PRDM11: variants seen among roughly 807,000 people sequenced by gnomAD.
PRDM11 encodes the protein PR domain-containing protein 11.
A neutral mutation model predicts 97.8 loss-of-function variants in PRDM11; 20 were observed. The ratio of observed to expected loss-of-function variants is 0.20; its 90% CI spans 0.14 to 0.30. The LOEUF is 0.30. Among genes scored for constraint, PRDM11 ranks in the 10% least tolerant of loss-of-function variants. PRDM11 has a pLI of 1.00. For synonymous variants in PRDM11, 599 were observed against 637.7 expected, an observed-to-expected ratio of 0.94 and a Z score of 0.91; for missense variants, 1,139 against 1,555.2, an observed-to-expected ratio of 0.73 and a Z score of 4.50.
At position 45,227,059 on chromosome 11, in the gene PRDM11, C is replaced by T; in HGVS notation, c.2434C>T (p.Leu812Phe). 2 of 1,533,954 alleles carry T rather than the reference C, an allele frequency of 1.3e-6. No individual in the cohort carries two copies. The highest frequency in any genetic ancestry group is 1.7e-6 in the Non-Finnish European group (2 of 1,146,730). Reference sequence around the variant, plus strand: ...CGAGCTGCGGTCCACGGCGGCCACCCTTTGTGAGGAGACAGAGTTCCTGGG... The same window carrying T: ...CGAGCTGCGGTCCACGGCGGCCACCTTTTGTGAGGAGACAGAGTTCCTGGG... ...MCELRSTAAT[L>F]CEETEFLGDI... The change falls in exon 8 of 8, where the codon CTT (leucine) becomes TTT (phenylalanine). Residue 812 changes from leucine to phenylalanine, a missense_variant. This residue lies in a region of PRDM11 where 710 missense variants were observed against 1,044.9 expected (regional missense o/e 0.68). Coordinates refer to ENST00000683152, the MANE Select transcript of PRDM11 (RefSeq NM_001384648.1). This position sits in a 1 kb window ranked among gnomAD's most constrained non-coding sequence, Gnocchi z 8.0.
chr11:45,114,832 CTTAGAA>C (rs1218698609), intron 1 of PRDM11, among the ~76,000 whole-genome samples: 3 of 151,676 alleles, frequency 2.0e-5, no homozygotes, highest in Admixed American at 6.6e-5. Flanking sequence ...GAAAAAAAAA[CTTAGAA>C]TTATATATCC....
intron 1 of PRDM11, among the ~76,000 whole-genome samples, chr11:45,176,185 C>T (rs1307901512): frequency 6.6e-6 from 1 of 151,986 alleles, no homozygotes; most frequent in Non-Finnish European, 1.5e-5. Flanking sequence ...ACCAGTGTGG[C>T]CAACATGGTG....
chr11:45,193,546 C>T (rs1852989121), intron 4 of PRDM11, among the ~76,000 whole-genome samples: 1 of 152,198 alleles, frequency 6.6e-6, no homozygotes, highest in African/African-American at 2.4e-5. Flanking sequence ...ATCAGTGTGC[C>T]ATGTTCCAAT....
intron 1 of PRDM11, among the ~76,000 whole-genome samples, chr11:45,112,042 C>T (rs1227555660): frequency 1.3e-5 from 2 of 152,024 alleles, no homozygotes; most frequent in Admixed American, 1.3e-4. Flanking sequence ...TTTAGTGCAC[C>T]GGTCACCCAA....
intron 1 of PRDM11, among the ~76,000 whole-genome samples, chr11:45,124,151 G>A (rs1242972519): frequency 1.3e-5 from 2 of 149,870 alleles, no homozygotes; most frequent in East Asian, 3.9e-4. Flanking sequence ...CTGTTTGTCT[G>A]TTATTGGTGT....
intron 5 of PRDM11, among the ~76,000 whole-genome samples, chr11:45,212,018 C>T (rs551184138): frequency 1.3e-5 from 2 of 152,330 alleles, no homozygotes; most frequent in Non-Finnish European, 2.9e-5. Context: ...GCTCCTTCAG[C>T]GTTACAGAGC....
intron 1 of PRDM11, among the ~76,000 whole-genome samples, chr11:45,169,497 T>C (rs1004385526): frequency 1.3e-5 from 2 of 152,258 alleles, no homozygotes; most frequent in African/African-American, 4.8e-5. Flanking sequence ...CCAAGTGTAT[T>C]ACACATGTTA....
chr11:45,218,423 G>A (rs1280149318), intron 5 of PRDM11, among the ~76,000 whole-genome samples: 1 of 152,162 alleles, frequency 6.6e-6, no homozygotes, highest in Non-Finnish European at 1.5e-5. Flanking sequence ...TAGTGATGCT[G>A]AATACTTTTC....
At chr11:45,206,474 G>A (rs1180867629) in intron 5 of PRDM11, among the ~76,000 whole-genome samples, 1 of 152,230 alleles carries the variant, frequency 6.6e-6, no homozygotes, top group Admixed American at 6.5e-5. Context: ...CTCCAGGCAA[G>A]CAGGGGAGAC....
chr11:45,133,220 C>T (rs1048289947), intron 1 of PRDM11, among the ~76,000 whole-genome samples: 4 of 152,214 alleles, frequency 2.6e-5, no homozygotes, highest in African/African-American at 7.2e-5. Flanking sequence ...TCATTTTCTC[C>T]TCAACTCATT....
At chr11:45,170,543 A>G (rs1852177932) in intron 1 of PRDM11, among the ~76,000 whole-genome samples, 1 of 152,184 alleles carries the variant, frequency 6.6e-6, no homozygotes, top group Non-Finnish European at 1.5e-5. Flanking sequence ...GAGGCAGAGC[A>G]GGGCAGCCCC....
chr11:45,142,678 G>A (rs1469027363), upstream of PRDM11, among the ~76,000 whole-genome samples: 3 of 152,146 alleles, frequency 2.0e-5, no homozygotes, highest in Non-Finnish European at 4.4e-5. Flanking sequence ...TCTGACCCAA[G>A]GCATTTTGAT....
At chr11:45,146,975 G>T in intron 1 of PRDM11, 98 bp downstream of exon 1, 1 of 146,136 alleles carries the variant, frequency 6.8e-6, no homozygotes, top group South Asian at 2.0e-4. Flanking sequence ...TGCGGGGGCC[G>T]GGAGCGGCGG....
Position 45,187,171 on chromosome 11 carries a change from G to A in PRDM11, c.486+4048G>A, listed in dbSNP as rs1472364524. On this transcript the variant is annotated intron_variant, in intron 4 of 7. Transcript: ENST00000683152. ...TTATTCCCAACCAAGTAATACAGAG[G>A]CAGAGTATTGCTTGGTGATCGCAGT... Among the ~76,000 whole-genome samples the A allele has an allele frequency of 4.6e-5, 7 of 152,286 alleles. No homozygotes were observed. The South Asian group carries it at 1.5e-3, about 32-fold the overall frequency.
chr11:45,162,769 A>T (rs1460941823), intron 1 of PRDM11, among the ~76,000 whole-genome samples: 1 of 152,184 alleles, frequency 6.6e-6, no homozygotes, highest in Non-Finnish European at 1.5e-5. Flanking sequence ...AAAGCCTCTG[A>T]TGGTCGGGGG....
chr11:45,158,716 G>C (rs1006924437), intron 1 of PRDM11, among the ~76,000 whole-genome samples: 1 of 152,044 alleles, frequency 6.6e-6, no homozygotes, highest in African/African-American at 2.4e-5. Flanking sequence ...CCTAACTCAG[G>C]CTTCGTCTTT....
intron 5 of PRDM11, among the ~76,000 whole-genome samples, chr11:45,209,672 G>C (rs1853648569): frequency 6.6e-6 from 1 of 152,198 alleles, no homozygotes; most frequent in Admixed American, 6.5e-5. Context: ...GAGCAGGGCT[G>C]ACTTCATGAG....
chr11:45,095,964 C>T, intron 1 of PRDM11: 1 of 750,410 alleles, frequency 1.3e-6, no homozygotes, highest in East Asian at 2.5e-5. Flanking sequence ...TACTACCTCT[C>T]CCTGGAATAC....
intron 1 of PRDM11, among the ~76,000 whole-genome samples, chr11:45,160,965 G>T (rs1022454835): frequency 6.6e-6 from 1 of 152,126 alleles, no homozygotes; most frequent in East Asian, 1.9e-4. Context: ...TCATTCAAAG[G>T]CATGGCTTTG....
Sources: gnomAD v4.1 joint callset for allele counts (sites outside exome capture counted in the v4.1 genomes callset) on GRCh38, gnomAD v4.1.1 for gene constraint, gnomAD v4.1.1 regional missense constraint, Gnocchi (gnomAD v3.1) non-coding constraint, MANE v1.5 for transcripts, NCBI Gene and HGNC (gene_info 2026-07-23, HGNC 2026-07-21) for gene names.